PPP2R2B: variants seen among roughly 807,000 people sequenced by gnomAD.
The protein encoded by PPP2R2B is protein phosphatase 2 regulatory subunit Bbeta.
Under a neutral mutation model 46.0 loss-of-function variants are expected in PPP2R2B, and 5 were observed. That is an observed-to-expected ratio of 0.11 (90% CI 0.06 to 0.23). The LOEUF (loss-of-function observed/expected upper bound fraction) is 0.23. Ranked by LOEUF, PPP2R2B falls within the 10% of genes least tolerant of loss-of-function variation. PPP2R2B has a pLI of 1.00. For synonymous variants in PPP2R2B, 215 were observed against 206.7 expected, an observed-to-expected ratio of 1.04 and a Z score of -0.34; for missense variants, 367 against 575.0, an observed-to-expected ratio of 0.64 and a Z score of 3.70.
chr5:146,826,965 ACACTAGCT>A, intron 2 of PPP2R2B, among the ~76,000 whole-genome samples: 1 of 152,230 alleles, frequency 6.6e-6, no homozygotes, highest in Non-Finnish European at 1.5e-5. Flanking sequence ...CCTTACTGGA[ACACTAGCT>A]CATCACAGGT....
chr5:146,870,365 G>A (rs187972999), intron 2 of PPP2R2B, among the ~76,000 whole-genome samples: 125 of 152,200 alleles, frequency 8.2e-4, no homozygotes, highest in African/African-American at 2.9e-3. Flanking sequence ...TGGGGCTGGT[G>A]CCCTTGCAAG....
intron 2 of PPP2R2B, among the ~76,000 whole-genome samples, chr5:146,713,231 T>C (rs1015184812): frequency 3.3e-5 from 5 of 151,852 alleles, no homozygotes; most frequent in Non-Finnish European, 7.4e-5. Context: ...AAACTGACAA[T>C]GGAAAGACCC....
chr5:146,718,847 A>G (rs1417816795), intron 2 of PPP2R2B, among the ~76,000 whole-genome samples: 1 of 152,194 alleles, frequency 6.6e-6, no homozygotes, highest in Non-Finnish European at 1.5e-5. Context: ...ACAGTTCATT[A>G]GAGGCTGAGC....
At chr5:147,075,569 C>A (rs1189119669) in intron 2 of PPP2R2B, among the ~76,000 whole-genome samples, 1 of 152,082 alleles carries the variant, frequency 6.6e-6, no homozygotes, top group Non-Finnish European at 1.5e-5. Flanking sequence ...TACCTTTGTA[C>A]CTCATAGCTA....
intron 2 of PPP2R2B, among the ~76,000 whole-genome samples, chr5:146,844,962 A>G (rs1213447021): frequency 6.6e-6 from 1 of 152,154 alleles, no homozygotes; most frequent in Non-Finnish European, 1.5e-5. Context: ...TTAGAATAAC[A>G]TTCCAACTCC....
intron 6 of PPP2R2B, among the ~76,000 whole-genome samples, chr5:146,649,769 T>A (rs1417835606): frequency 6.6e-6 from 1 of 152,152 alleles, no homozygotes; most frequent in Admixed American, 6.5e-5. Context: ...ATATTTTAAT[T>A]AAACAGGAGA....
chr5:146,920,104 G>T (rs533098521), intron 1 of PPP2R2B, among the ~76,000 whole-genome samples: 1 of 152,246 alleles, frequency 6.6e-6, no homozygotes, highest in East Asian at 1.9e-4. Context: ...TAATCAGGCC[G>T]TACATGAAGG....
At chr5:146,863,641 T>TATCCATCC (rs3062349) in intron 2 of PPP2R2B, among the ~76,000 whole-genome samples, 1,614 of 150,574 alleles carry the variant, frequency 0.011, 25 homozygotes, top group South Asian at 0.041. Flanking sequence ...TCCATCCATC[T>TATCCATCC]ATCCATCCAT....
chr5:146,936,211 G>A (rs1764134343), intron 1 of PPP2R2B, among the ~76,000 whole-genome samples: 1 of 152,050 alleles, frequency 6.6e-6, no homozygotes, highest in South Asian at 2.1e-4. Flanking sequence ...TCTTTTGAGA[G>A]TTTAGCCCTA....
chr5:147,056,062 A>T, upstream of PPP2R2B: 1 of 1,132,750 alleles, frequency 8.8e-7, no homozygotes, highest in Non-Finnish European at 1.1e-6. Context: ...ACACACGCTG[A>T]AATGCTCTGC....
At chr5:146,745,786 C>T (rs894602823) in intron 2 of PPP2R2B, among the ~76,000 whole-genome samples, 4 of 152,078 alleles carry the variant, frequency 2.6e-5, no homozygotes, top group Admixed American at 1.3e-4. Context: ...GGTGAAATCC[C>T]ATTTCTACTA....
chr5:146,801,569 T>C (rs1438222244), intron 2 of PPP2R2B, among the ~76,000 whole-genome samples: 1 of 152,156 alleles, frequency 6.6e-6, no homozygotes, highest in Non-Finnish European at 1.5e-5. Flanking sequence ...GTAAATACAG[T>C]TCATGCTGAG....
intron 7 of PPP2R2B, among the ~76,000 whole-genome samples, chr5:146,615,035 A>G (rs1302000717): frequency 9.3e-6 from 1 of 106,954 alleles, no homozygotes; most frequent in Non-Finnish European, 1.7e-5. Flanking sequence ...TCATGCTGCT[A>G]TAAAGACACA....
chr5:146,839,616 T>C (rs770033879), intron 2 of PPP2R2B, among the ~76,000 whole-genome samples: 2 of 152,246 alleles, frequency 1.3e-5, no homozygotes, highest in African/African-American at 2.4e-5. Flanking sequence ...CTTGGCCCTA[T>C]AAAATTTAAT....
intron 2 of PPP2R2B, among the ~76,000 whole-genome samples, chr5:147,065,409 G>A (rs760004343): frequency 3.9e-5 from 6 of 152,148 alleles, no homozygotes; most frequent in Non-Finnish European, 7.4e-5. Flanking sequence ...CAGAGAGTAC[G>A]TGAGGAGAAT....
chr5:146,935,289 C>G (rs1187336882), intron 1 of PPP2R2B, among the ~76,000 whole-genome samples: 2 of 152,160 alleles, frequency 1.3e-5, no homozygotes, highest in African/African-American at 4.8e-5. Context: ...TGAGGTACAG[C>G]TAGAAGGCAC....
At chr5:146,807,748 T>C (rs1474587986) in intron 2 of PPP2R2B, among the ~76,000 whole-genome samples, 1 of 138,192 alleles carries the variant, frequency 7.2e-6, no homozygotes, top group Non-Finnish European at 1.5e-5. Flanking sequence ...CCTCTCCAAC[T>C]CCTTGGTTAA....
At chr5:146,695,628 T>C (rs1779134086) in intron 4 of PPP2R2B, among the ~76,000 whole-genome samples, 1 of 152,220 alleles carries the variant, frequency 6.6e-6, no homozygotes, top group Non-Finnish European at 1.5e-5. Flanking sequence ...TCACACTTTT[T>C]TTCTTGACTC....
chr5:146,757,721 T>C (rs991013254), intron 2 of PPP2R2B, among the ~76,000 whole-genome samples: 1 of 152,208 alleles, frequency 6.6e-6, no homozygotes, highest in South Asian at 2.1e-4. Context: ...ATATTGCTTG[T>C]ATCCCAAATC....
Sources: gnomAD v4.1 joint callset for allele counts (sites outside exome capture counted in the v4.1 genomes callset) on GRCh38, gnomAD v4.1.1 for gene constraint, MANE v1.5 for transcripts, NCBI Gene and HGNC (gene_info 2026-07-23, HGNC 2026-07-21) for gene names.